KLHL7: variants seen among roughly 807,000 people sequenced by gnomAD.
The protein encoded by KLHL7 is kelch like family member 7.
A neutral mutation model predicts 67.4 loss-of-function variants in KLHL7; 44 were observed. That is an observed-to-expected ratio of 0.65 (90% CI 0.51 to 0.84). The LOEUF (loss-of-function observed/expected upper bound fraction) is 0.84, where lower values mean the gene tolerates loss of function less well. Among genes scored for constraint, KLHL7 ranks in the 40% least tolerant of loss-of-function variants. The pLI, the probability that KLHL7 is intolerant of heterozygous loss-of-function variation, is 0.00. For missense variants in KLHL7, 362 were observed against 718.1 expected (o/e 0.50, Z 5.67); for synonymous variants, 252 against 243.3 (o/e 1.04, Z -0.33).
rs1406963841 is a variant in KLHL7, at chr7:23,174,482, G to C, written c.*184G>C. 9 of 720,642 alleles carry C rather than the reference G, an allele frequency of 1.2e-5. No individual in the cohort carries two copies. The highest frequency in any genetic ancestry group is 2.2e-5 in the Non-Finnish European group (9 of 405,734). The allele number at this position is 720,642 out of a possible 1,614,324, so 44.6% of individuals were successfully genotyped here. A position where few individuals can be genotyped will look rare whatever the true frequency, so the allele number is the denominator to read the frequency against. ...TCCTTAATTCAAAGATCATATTTTA[G>C]CTGGCCACAAAACCAAGAACATATC... On this transcript the variant is annotated 3_prime_UTR_variant, in exon 11 of 11. Transcript: ENST00000339077.
At chr7:23,125,679 A>T in intron 4 of KLHL7, 1 of 1,397,106 alleles carries the variant, frequency 7.2e-7, no homozygotes, top group Non-Finnish European at 9.4e-7. Context: ...ACATAACCTT[A>T]GTCTATAAAT....
intron 4 of KLHL7, among the ~76,000 whole-genome samples, chr7:23,128,098 A>C (rs1021669384): frequency 2.6e-5 from 4 of 150,998 alleles, no homozygotes; most frequent in African/African-American, 9.8e-5. Flanking sequence ...GCGCCACTGC[A>C]CTCTAGGCTG....
rs1248884359 is a variant in KLHL7 at position 23,177,619 on chromosome 7, G to A, written c.*3321G>A. 1 of 152,148 alleles carries A rather than the reference G, an allele frequency of 6.6e-6. No homozygotes were observed. The highest frequency in any genetic ancestry group is 1.5e-5 in the Non-Finnish European group (1 of 67,990). 9.4% of individuals were successfully genotyped at this position (152,148 alleles called of 1,614,324 possible). ...CCCTGTCCTGTAAAGTGCTCTGCTT[G>A]CTTTTTAGTAGACATTTGATAAGTT... is the stretch of plus-strand genomic sequence containing the variant. On this transcript the variant is annotated 3_prime_UTR_variant, in exon 11 of 11. Coordinates refer to ENST00000339077, the MANE Select transcript of KLHL7 (RefSeq NM_001031710.3).
intron 9 of KLHL7, among the ~76,000 whole-genome samples, chr7:23,168,512 TAAATC>T (rs1196566543): frequency 1.3e-5 from 2 of 152,220 alleles, no homozygotes; most frequent in Non-Finnish European, 1.5e-5. Flanking sequence ...AAATTATTCT[TAAATC>T]AACTGCTTTT....
intron 1 of KLHL7, among the ~76,000 whole-genome samples, chr7:23,110,722 G>A (rs1326584646): frequency 5.3e-5 from 8 of 149,678 alleles, no homozygotes; most frequent in East Asian, 2.0e-4. Context: ...CCATTAACTC[G>A]TCATTTAGTA....
chr7:23,156,085 G>GTCAT (rs1180391691), intron 7 of KLHL7: 2 of 420,656 alleles, frequency 4.8e-6, no homozygotes, highest in African/African-American at 4.2e-5. Context: ...TTATAAATGA[G>GTCAT]TCATTCCTAA....
intron 1 of KLHL7, among the ~76,000 whole-genome samples, chr7:23,114,723 A>G (rs1006481650): frequency 1.3e-5 from 2 of 152,214 alleles, no homozygotes; most frequent in African/African-American, 2.4e-5. Flanking sequence ...TACCCAAGAA[A>G]GCTTTGAAAT....
At chr7:23,142,295 G>A (rs563502175) in intron 5 of KLHL7, among the ~76,000 whole-genome samples, 1 of 152,254 alleles carries the variant, frequency 6.6e-6, no homozygotes, top group East Asian at 1.9e-4. Context: ...TGTTACAACA[G>A]CAATAGAAAA....
intron 4 of KLHL7, among the ~76,000 whole-genome samples, chr7:23,127,155 A>C (rs1293028664): frequency 6.6e-6 from 1 of 152,162 alleles, no homozygotes; most frequent in Non-Finnish European, 1.5e-5. Flanking sequence ...ACTCCCTAGC[A>C]CTCTAAATTT....
chr7:23,173,445 A>T (rs1327387423), intron 10 of KLHL7, among the ~76,000 whole-genome samples: 1 of 152,228 alleles, frequency 6.6e-6, no homozygotes, highest in Non-Finnish European at 1.5e-5. Context: ...ATTTTTAAAC[A>T]TTGCATGAAA....
In KLHL7 at chr7:23,146,418, C is replaced by T. The variant is rs77137203; in HGVS notation, c.793+2393C>T. ...GCAAGTCTCTTAGTACTATCAAAGACGGAGTTTGTGTTTGTTTCTTGTTTC... is the reference window on the plus strand; with the variant it reads ...GCAAGTCTCTTAGTACTATCAAAGATGGAGTTTGTGTTTGTTTCTTGTTTC... On this transcript the variant is annotated intron_variant, in intron 6 of 10. Transcript: ENST00000339077. Among the ~76,000 whole-genome samples, 414 of 152,226 alleles carry T rather than the reference C, an allele frequency of 2.7e-3. 7 individuals are homozygous for T. The highest frequency in any genetic ancestry group is 0.019 in the Admixed American group (290 of 15,284).
chr7:23,169,305 G>T (rs1785089558), intron 9 of KLHL7, among the ~76,000 whole-genome samples: 1 of 152,000 alleles, frequency 6.6e-6, no homozygotes, highest in Admixed American at 6.6e-5. Context: ...TATAAAATAT[G>T]ATTAATTATG....
chr7:23,105,906 C>G lies in KLHL7; in HGVS notation c.-121C>G, dbSNP rs1782612458. On this transcript the variant is annotated 5_prime_UTR_variant, in exon 1 of 11. Transcript: ENST00000339077. ...CCGCCGCCTGCCGCGCGTTCCAGAG[C>G]TGGGCGCTGCAGCTGCACTGCCGAT... 2.1e-6 allele frequency: 3 copies of G among 1,453,698 alleles called. No homozygotes were observed. In the Admixed American group the frequency reaches 5.9e-5, roughly 29 times the overall value. 90.0% of individuals were successfully genotyped at this position (1,453,698 alleles called of 1,614,324 possible). A position where few individuals can be genotyped will look rare whatever the true frequency, so the allele number is the denominator to read the frequency against.
intron 6 of KLHL7, among the ~76,000 whole-genome samples, chr7:23,148,718 T>C (rs778678976): frequency 3.3e-5 from 5 of 152,242 alleles, no homozygotes; most frequent in East Asian, 1.9e-4. Flanking sequence ...ATCTAGTGTT[T>C]AGTTATTACA....
rs921212991 is a variant in KLHL7 at position 23,105,959 on chromosome 7, G to C, written c.-68G>C. 1.9e-6 allele frequency: 3 copies of C among 1,575,512 alleles called. No individual in the cohort carries two copies. The highest frequency in any genetic ancestry group is 2.6e-6 in the Non-Finnish European group (3 of 1,165,286). On this transcript the variant is annotated 5_prime_UTR_variant, in exon 1 of 11. Transcript: ENST00000339077. ...CCGTGTTTGGTCGATAGAATCCCCA[G>C]TGTGCCCAGAGAGTGCGACCCCTCG...
intron 6 of KLHL7, among the ~76,000 whole-genome samples, chr7:23,151,814 C>T (rs1421387289): frequency 6.6e-6 from 1 of 152,136 alleles, no homozygotes; most frequent in African/African-American, 2.4e-5. Flanking sequence ...AGATAATTCA[C>T]TGGTACATAG....
chr7:23,143,454 A>G (rs1784255626), intron 5 of KLHL7, among the ~76,000 whole-genome samples: 1 of 152,180 alleles, frequency 6.6e-6, no homozygotes, highest in Non-Finnish European at 1.5e-5. Context: ...ATCTCCTGGA[A>G]TGGACGGCCT....
rs139610442 is a variant in KLHL7, at chr7:23,129,481, C to A, written c.442+4309C>A. ...GCCATAGGCAGAAGCCCTAGATGAG[C>A]TTATCAGATAGACACAATGATTAAC... On this transcript the variant is annotated intron_variant, in intron 4 of 10. Transcript: ENST00000339077. 919 of 302,122 alleles carry A rather than the reference C, an allele frequency of 3.0e-3. 5 individuals carry two copies. Among genetic ancestry groups the A allele is most frequent in the Admixed American group, 4.7e-3 (116 of 24,794 alleles). 18.7% of individuals were successfully genotyped at this position (302,122 alleles called of 1,614,324 possible).
chr7:23,140,884 T>G lies in KLHL7; in HGVS notation c.558T>G (p.Asp186Glu). Residue 186 changes from aspartate to glutamate, a missense_variant, in exon 5 of 11, where the codon GAT (aspartate) becomes GAG (glutamate). By Grantham distance (45) the Asp-to-Glu change is conservative. This residue lies in a region of KLHL7 where 155 missense variants were observed against 280.8 expected (regional missense o/e 0.55). Transcript: ENST00000339077. ...VYKTDEFLQL[D>E]VKRVTHLLNQ... is the part of the protein sequence containing the mutation. ...AAACTGATGAATTTCTTCAACTTGA[T>G]GTCAAGCGAGTAACACATCTTCTCA... The G allele has an allele frequency of 6.2e-7, 1 of 1,614,128 alleles. No individual in the cohort carries two copies. The highest frequency in any genetic ancestry group is 8.5e-7 in the Non-Finnish European group (1 of 1,180,002).
Sources: allele counts gnomAD v4.1 joint callset (sites outside exome capture counted in the v4.1 genomes callset), GRCh38; gene constraint gnomAD v4.1.1; regional missense constraint gnomAD v4.1.1; transcripts MANE v1.5; gene names NCBI Gene and HGNC (gene_info 2026-07-23, HGNC 2026-07-21).